The following TMEM117 variants were observed in gnomAD, a reference collection of about 807,000 sequenced individuals.
The protein encoded by TMEM117 is transmembrane protein 117.
Under a neutral mutation model 52.4 loss-of-function variants are expected in TMEM117, and 27 were observed. The observed-to-expected ratio is 0.51, with a 90% CI of 0.38 to 0.71. The LOEUF (loss-of-function observed/expected upper bound fraction) is 0.71. TMEM117 is among the 30% of genes least tolerant of loss of function. The pLI is 0.00. For missense variants in TMEM117, 556 were observed against 630.5 expected (o/e 0.88, Z 1.26); for synonymous variants, 215 against 206.3 (o/e 1.04, Z -0.36).
chr12:44,044,827 T>G (rs1362246744), intron 3 of TMEM117, among the ~76,000 whole-genome samples: 1 of 152,232 alleles, frequency 6.6e-6, no homozygotes, highest in Non-Finnish European at 1.5e-5. Flanking sequence ...CACCTGGTTG[T>G]GCACTTTGCA....
At position 43,927,105 on chromosome 12, in the gene TMEM117, T is replaced by C. The variant is rs1013594029; in HGVS notation, c.278-17105T>C. The stretch of plus-strand genomic sequence containing the variant: ...TGTTGCATTCCAAAAGTTTGAAATG[T>C]AGTCTCTTGATAATGTTTCTTAATC... On this transcript the variant is annotated intron_variant, in intron 2 of 7. Coordinates refer to ENST00000266534, the MANE Select transcript of TMEM117 (RefSeq NM_032256.3). Among the ~76,000 whole-genome samples, 4 of 152,188 alleles carry C rather than the reference T, an allele frequency of 2.6e-5. No individual in the cohort carries two copies. In the East Asian group the frequency reaches 5.8e-4, roughly 22 times the overall value.
intron 4 of TMEM117, among the ~76,000 whole-genome samples, chr12:44,166,338 A>G (rs1339496973): frequency 6.6e-6 from 1 of 152,190 alleles, no homozygotes; most frequent in Non-Finnish European, 1.5e-5. Flanking sequence ...TTAGCCACAC[A>G]TGTTTAGTAG....
chr12:44,197,460 G>A (rs1949436372), intron 4 of TMEM117, among the ~76,000 whole-genome samples: 1 of 152,072 alleles, frequency 6.6e-6, no homozygotes, highest in Non-Finnish European at 1.5e-5. Flanking sequence ...ATAATATTGG[G>A]CTAATATAGT....
intron 3 of TMEM117, among the ~76,000 whole-genome samples, chr12:43,969,839 C>A (rs1005248079): frequency 2.0e-5 from 3 of 152,128 alleles, no homozygotes; most frequent in African/African-American, 7.2e-5. Flanking sequence ...ACCATTCCTG[C>A]CTCCTGGAAA....
At chr12:44,150,281 T>C (rs1565849304) in intron 4 of TMEM117, among the ~76,000 whole-genome samples, 1 of 152,094 alleles carries the variant, frequency 6.6e-6, no homozygotes, top group Non-Finnish European at 1.5e-5. Flanking sequence ...AAAGAGGAAG[T>C]ACTCTTGGGG....
At position 44,254,782 on chromosome 12, in the gene TMEM117, A is replaced by G. The variant is rs539648043; in HGVS notation, c.608+43395A>G. Reference sequence around the variant, plus strand: ...ATTAACTCGTCATTTAGCATTAGGTATATCTCCTAAAGCTATCCCTCCCCT... The same window carrying G: ...ATTAACTCGTCATTTAGCATTAGGTGTATCTCCTAAAGCTATCCCTCCCCT... On this transcript the variant is annotated intron_variant, in intron 5 of 7. Transcript: ENST00000266534. 8.1e-3 allele frequency among the ~76,000 whole-genome samples: 1,236 copies of G among 152,102 alleles called. 13 individuals are homozygous for G. Among genetic ancestry groups the G allele is most frequent in the African/African-American group, 0.028 (1,173 of 41,472 alleles).
the TMEM117 span, among the ~76,000 whole-genome samples, chr12:43,808,825 A>AT: frequency 6.6e-6 from 1 of 151,224 alleles, no homozygotes; most frequent in Non-Finnish European, 1.5e-5. Flanking sequence ...AAAAAAAAAA[A>AT]AAAAAAAAAA....
At chr12:44,233,244 T>C (rs1017048267) in intron 5 of TMEM117, among the ~76,000 whole-genome samples, 1 of 151,418 alleles carries the variant, frequency 6.6e-6, no homozygotes, top group African/African-American at 2.4e-5. Flanking sequence ...AGTTTACCTT[T>C]ATCAGCTTAA....
intron 5 of TMEM117, among the ~76,000 whole-genome samples, chr12:44,278,415 TGTAA>T (rs1312629385): frequency 2.6e-5 from 4 of 152,206 alleles, no homozygotes; most frequent in Non-Finnish European, 5.9e-5. Context: ...TCCCTGTTTC[TGTAA>T]GTGTCATCCA....
chr12:43,953,463 A>G (rs2137641139), intron 3 of TMEM117, among the ~76,000 whole-genome samples: 1 of 152,340 alleles, frequency 6.6e-6, no homozygotes, highest in East Asian at 1.9e-4. Context: ...AAAATTTACC[A>G]AGCAAATGGA....
intron 3 of TMEM117, among the ~76,000 whole-genome samples, chr12:44,082,441 G>C (rs1459079276): frequency 6.6e-6 from 1 of 151,808 alleles, no homozygotes; most frequent in African/African-American, 2.4e-5. Flanking sequence ...AGGGATATAG[G>C]CATAGATATA....
At chr12:44,041,410 A>G (rs747701600) in intron 3 of TMEM117, among the ~76,000 whole-genome samples, 4 of 151,778 alleles carry the variant, frequency 2.6e-5, no homozygotes, top group Non-Finnish European at 5.9e-5. Context: ...CATGCATGCA[A>G]TGTTCTCTGA....
At chr12:44,215,820 C>T (rs886473476) in intron 5 of TMEM117, among the ~76,000 whole-genome samples, 2 of 151,830 alleles carry the variant, frequency 1.3e-5, no homozygotes, top group African/African-American at 4.8e-5. Flanking sequence ...TAGGGCTTCA[C>T]AAATACTCCA....
intron 4 of TMEM117, among the ~76,000 whole-genome samples, chr12:44,198,140 T>C (rs1024210592): frequency 6.6e-6 from 1 of 152,206 alleles, no homozygotes; most frequent in Non-Finnish European, 1.5e-5. Context: ...CTTTGGGTTG[T>C]TCTTTATCTC....
chr12:44,010,521 G>A lies in TMEM117; in HGVS notation c.410+66179G>A, dbSNP rs538923641. On this transcript the variant is annotated intron_variant, in intron 3 of 7. Coordinates refer to ENST00000266534, the MANE Select transcript of TMEM117 (RefSeq NM_032256.3). The stretch of plus-strand genomic sequence containing the variant: ...ACCTTACCCAGATTCACTATTCCTC[G>A]GTCGACGTCTGTCTATTTTCTCTTT... Among the ~76,000 whole-genome samples the A allele has an allele frequency of 4.6e-5, 7 of 151,100 alleles. No individual in the cohort carries two copies. The East Asian group carries it at 7.7e-4, about 17-fold the overall frequency.
intron 3 of TMEM117, among the ~76,000 whole-genome samples, chr12:44,012,837 A>G (rs1271863307): frequency 6.6e-6 from 1 of 152,036 alleles, no homozygotes; most frequent in Non-Finnish European, 1.5e-5. Flanking sequence ...GTTTTTTCAA[A>G]CTGGGGTTTT....
intron 2 of TMEM117, among the ~76,000 whole-genome samples, chr12:43,886,619 C>A (rs1473863398): frequency 2.0e-5 from 3 of 151,966 alleles, no homozygotes; most frequent in Non-Finnish European, 4.4e-5. Flanking sequence ...GCGAGGTAGC[C>A]ATTTCTTTTT....
intron 5 of TMEM117, among the ~76,000 whole-genome samples, chr12:44,250,468 C>G (rs962685720): frequency 1.3e-5 from 2 of 152,098 alleles, no homozygotes; most frequent in Non-Finnish European, 2.9e-5. Context: ...TACCATTTGA[C>G]CCAGCAATCC....
At chr12:43,856,493 T>C (rs961177493) in intron 2 of TMEM117, among the ~76,000 whole-genome samples, 5 of 152,192 alleles carry the variant, frequency 3.3e-5, no homozygotes, top group Non-Finnish European at 4.4e-5. Flanking sequence ...TCCTCATGTC[T>C]ATCACTATGA....
Sources: allele counts gnomAD v4.1 joint callset (sites outside exome capture counted in the v4.1 genomes callset), GRCh38; gene constraint gnomAD v4.1.1; transcripts MANE v1.5; gene names NCBI Gene and HGNC (gene_info 2026-07-23, HGNC 2026-07-21).